The following DCC variants were observed in gnomAD, a reference collection of about 807,000 sequenced individuals.
The protein encoded by DCC is DCC netrin 1 receptor.
A neutral mutation model predicts 172.5 loss-of-function variants in DCC; 58 were observed. The observed-to-expected ratio is 0.34, with a 90% CI of 0.27 to 0.42. The LOEUF is 0.42. Ranked by LOEUF, DCC falls within the 10% of genes least tolerant of loss-of-function variation. The pLI is 1.00. For missense variants in DCC, 1,740 were observed against 1,791.0 expected (o/e 0.97, Z 0.51); for synonymous variants, 709 against 644.5 (o/e 1.10, Z -1.52).
At chr18:53,203,879 A>G (rs982965179) in intron 9 of DCC, among the ~76,000 whole-genome samples, 8 of 152,190 alleles carry the variant, frequency 5.3e-5, no homozygotes, top group Non-Finnish European at 1.2e-4. Context: ...TGCATTTACC[A>G]TTTACAAGCT....
At chr18:53,226,708 C>CA (rs914813979) in intron 12 of DCC, among the ~76,000 whole-genome samples, 19 of 151,478 alleles carry the variant, frequency 1.3e-4, no homozygotes, top group African/African-American at 4.6e-4. Context: ...ACAAACAAAA[C>CA]AAAAAACAAA....
At chr18:52,504,810 C>A (rs2031170961) in intron 1 of DCC, among the ~76,000 whole-genome samples, 1 of 152,074 alleles carries the variant, frequency 6.6e-6, no homozygotes, top group South Asian at 2.1e-4. Flanking sequence ...CCAACCTCAG[C>A]CTGCTTCTCC....
chr18:52,536,640 T>C (rs1010848613), intron 1 of DCC, among the ~76,000 whole-genome samples: 1 of 152,052 alleles, frequency 6.6e-6, no homozygotes, highest in African/African-American at 2.4e-5. Context: ...AGTTGCTATG[T>C]TTGATTTAAT....
At chr18:53,165,693 C>A (rs912669261) in intron 8 of DCC, among the ~76,000 whole-genome samples, 2 of 152,094 alleles carry the variant, frequency 1.3e-5, no homozygotes, top group African/African-American at 4.8e-5. Context: ...TGAAACATGC[C>A]ATCCACAAAT....
intron 5 of DCC, among the ~76,000 whole-genome samples, chr18:52,953,026 A>C (rs961669776): frequency 1.3e-5 from 2 of 148,844 alleles, no homozygotes; most frequent in Admixed American, 1.3e-4. Context: ...AAAAAAAAAA[A>C]AACTCATAAC....
chr18:52,982,497 A>T (rs1381768245), intron 5 of DCC, among the ~76,000 whole-genome samples: 2 of 152,076 alleles, frequency 1.3e-5, no homozygotes, highest in Non-Finnish European at 2.9e-5. Context: ...TCTCCTGCTT[A>T]GGGCAGCATT....
intron 25 of DCC, among the ~76,000 whole-genome samples, chr18:53,486,336 G>A (rs1290150343): frequency 2.0e-5 from 3 of 151,948 alleles, no homozygotes; most frequent in Non-Finnish European, 4.4e-5. Context: ...TCTCTCTCTC[G>A]ACTGTCCCTC....
At chr18:53,050,574 C>G (rs1210252669) in intron 5 of DCC, among the ~76,000 whole-genome samples, 2 of 151,952 alleles carry the variant, frequency 1.3e-5, no homozygotes, top group African/African-American at 4.8e-5. Context: ...GACTCTCGGC[C>G]TGGATGTTGT....
intron 21 of DCC, among the ~76,000 whole-genome samples, chr18:53,420,337 C>A (rs1250204981): frequency 6.6e-6 from 1 of 152,190 alleles, no homozygotes; most frequent in African/African-American, 2.4e-5. Flanking sequence ...AGGGAAATAA[C>A]TCTCAATCTG....
chr18:52,813,761 T>A (rs184348389), intron 2 of DCC, among the ~76,000 whole-genome samples: 1 of 152,276 alleles, frequency 6.6e-6, no homozygotes, highest in Admixed American at 6.5e-5. Context: ...AAAGCCTGAA[T>A]AGAACAAAAA....
intron 27 of DCC, among the ~76,000 whole-genome samples, chr18:53,505,823 G>T (rs770864892): frequency 3.3e-5 from 5 of 152,122 alleles, no homozygotes; most frequent in Non-Finnish European, 7.4e-5. Flanking sequence ...AGGAAAGGTG[G>T]GCAGTAGGTT....
chr18:52,933,186 G>A (rs192035119), intron 5 of DCC, among the ~76,000 whole-genome samples: 121 of 152,214 alleles, frequency 7.9e-4, no homozygotes, highest in Admixed American at 1.4e-3. Context: ...GAACCACAGT[G>A]TGAGTAGAAA....
At chr18:53,360,032 G>C (rs1170341230) in intron 15 of DCC, among the ~76,000 whole-genome samples, 1 of 152,102 alleles carries the variant, frequency 6.6e-6, no homozygotes, top group African/African-American at 2.4e-5. Context: ...AGCAAGATTT[G>C]GGCCAGATAG....
At chr18:53,337,899 T>C (rs572953046) in intron 14 of DCC, among the ~76,000 whole-genome samples, 2 of 152,338 alleles carry the variant, frequency 1.3e-5, no homozygotes, top group East Asian at 3.9e-4. Context: ...TTGCATAATT[T>C]GGCATATGTT....
At chr18:52,878,072 A>G (rs577739951) in intron 2 of DCC, among the ~76,000 whole-genome samples, 1 of 151,910 alleles carries the variant, frequency 6.6e-6, no homozygotes, top group Non-Finnish European at 1.5e-5. Flanking sequence ...TCCCTCCCCA[A>G]AACTCCCCTC....
At chr18:52,805,585 T>C (rs867877129) in intron 2 of DCC, among the ~76,000 whole-genome samples, 34 of 152,334 alleles carry the variant, frequency 2.2e-4, no homozygotes, top group African/African-American at 7.5e-4. Context: ...AAAGATATTT[T>C]AAAAATGGGA....
rs1568198482 is a variant in DCC at position 52,497,287 on chromosome 18, A to ATGTG, written c.91+156410_91+156411insGTGT. 9.5e-4 allele frequency among the ~76,000 whole-genome samples: 32 copies of ATGTG among 33,668 alleles called. 5 individuals carry two copies. The highest frequency in any genetic ancestry group is 6.5e-3 in the East Asian group (7 of 1,076). 22.1% of individuals were successfully genotyped at this position (33,668 alleles called of 152,430 possible). On this transcript the variant is annotated intron_variant, in intron 1 of 28. Transcript: ENST00000442544. ...AAAAAAAAAAAAAAAAAAAATATAT[A>ATGTG]TATATATATATATATATATATATAT...
At chr18:53,006,118 A>G (rs2041641952) in intron 5 of DCC, among the ~76,000 whole-genome samples, 1 of 152,224 alleles carries the variant, frequency 6.6e-6, no homozygotes, top group South Asian at 2.1e-4. Flanking sequence ...TTATGCTTTC[A>G]TGCTCATTTT....
chr18:53,035,011 A>G (rs1338723727), intron 5 of DCC, among the ~76,000 whole-genome samples: 1 of 152,040 alleles, frequency 6.6e-6, no homozygotes, highest in African/African-American at 2.4e-5. Flanking sequence ...TACTTTTTGC[A>G]TCACTTGTTA....
Sources: gnomAD v4.1 joint callset for allele counts (sites outside exome capture counted in the v4.1 genomes callset) on GRCh38, gnomAD v4.1.1 for gene constraint, MANE v1.5 for transcripts, NCBI Gene and HGNC (gene_info 2026-07-23, HGNC 2026-07-21) for gene names.